NOPCHAP1: variants seen among roughly 807,000 people sequenced by gnomAD.
NOPCHAP1 encodes NOP protein chaperone 1.
Under a neutral mutation model 14.0 loss-of-function variants are expected in NOPCHAP1, and 13 were observed. The observed-to-expected ratio is 0.93, with a 90% CI of 0.60 to 1.47. The LOEUF is 1.47. Among genes scored for constraint, NOPCHAP1 ranks in the 40% most tolerant of loss-of-function variants. NOPCHAP1 has a pLI of 0.00. For missense variants in NOPCHAP1, 230 were observed against 226.9 expected (o/e 1.01, Z -0.09); for synonymous variants, 78 against 78.4 (o/e 1.00, Z 0.03).
In NOPCHAP1 at chr12:105,011,451, A is replaced by T. The variant is rs2136033727; in HGVS notation, c.*16755A>T. On this transcript the variant is annotated 3_prime_UTR_variant, in exon 4 of 4. Coordinates refer to ENST00000552951, the MANE Select transcript of NOPCHAP1 (RefSeq NM_152318.3). ...TATCCAGTTTGACTGATGGATCTTG[A>T]CTCTTTATCCTGTGTCTTTTAATTG... 1 of 151,722 alleles carries T rather than the reference A, an allele frequency of 6.6e-6. No individual in the cohort carries two copies. Among genetic ancestry groups the T allele is most frequent in the South Asian group, 2.1e-4 (1 of 4,824 alleles). The allele number at this position is 151,722 out of a possible 1,614,324, so 9.4% of individuals were successfully genotyped here. A position where few individuals can be genotyped will look rare whatever the true frequency, so the allele number is the denominator to read the frequency against.
At position 105,016,573 on chromosome 12, in the gene NOPCHAP1, A is replaced by G. The variant is rs1334761565; in HGVS notation, c.*21877A>G. ...GACCTCACAATCATGGTAGAGGGTA[A>G]AGGGGTAGAAAGTCATGTCTTACAT... On this transcript the variant is annotated 3_prime_UTR_variant, in exon 4 of 4. Transcript: ENST00000552951. 6.6e-6 allele frequency: 1 copy of G among 152,232 alleles called. No individual in the cohort carries two copies. The highest frequency in any genetic ancestry group is 1.5e-5 in the Non-Finnish European group (1 of 68,052). The allele number at this position is 152,232 out of a possible 1,614,324, so 9.4% of individuals were successfully genotyped here.
chr12:105,007,359 T>A lies in NOPCHAP1; in HGVS notation c.*12663T>A, dbSNP rs1009557944. 1 of 152,246 alleles carries A rather than the reference T, an allele frequency of 6.6e-6. No individual in the cohort carries two copies. The highest frequency in any genetic ancestry group is 2.4e-5 in the African/African-American group (1 of 41,462). The allele number at this position is 152,246 out of a possible 1,614,324, so 9.4% of individuals were successfully genotyped here. A position where few individuals can be genotyped will look rare whatever the true frequency, so the allele number is the denominator to read the frequency against. ...CATTTATCTTGAAATGGTGGGCAAC[T>A]ACAGATGCAGACCTCAGTCTATGGT... On this transcript the variant is annotated 3_prime_UTR_variant, in exon 4 of 4. Transcript: ENST00000552951.
Position 104,994,879 on chromosome 12 carries a change from T to C in NOPCHAP1, c.*183T>C. 1 of 598,818 alleles carries C rather than the reference T, an allele frequency of 1.7e-6. No individual in the cohort carries two copies. The highest frequency in any genetic ancestry group is 1.9e-5 in the African/African-American group (1 of 53,730). The allele number at this position is 598,818 out of a possible 1,614,324, so 37.1% of individuals were successfully genotyped here. On this transcript the variant is annotated 3_prime_UTR_variant, in exon 4 of 4. Coordinates refer to ENST00000552951, the MANE Select transcript of NOPCHAP1 (RefSeq NM_152318.3). The stretch of plus-strand genomic sequence containing the variant: ...AGAATGATTAATGAGTTAGGTAGCA[T>C]TGTAAACTGAAAGGGGTTCAGAGAC...
chr12:105,002,835 C>T lies in NOPCHAP1; in HGVS notation c.*8139C>T, dbSNP rs1231733818. 1 of 152,140 alleles carries T rather than the reference C, an allele frequency of 6.6e-6. No homozygotes were observed. Among genetic ancestry groups the T allele is most frequent in the Non-Finnish European group, 1.5e-5 (1 of 68,028 alleles). The allele number at this position is 152,140 out of a possible 1,614,324, so 9.4% of individuals were successfully genotyped here. On this transcript the variant is annotated 3_prime_UTR_variant, in exon 4 of 4. Transcript: ENST00000552951. ...GGAAGTCTTTTACCGTGTCTGGAAG[C>T]TTAATTTTTGACCATGGAGTAAAGG...
rs1873669574 is a variant in NOPCHAP1, at chr12:105,004,520, C to T, written c.*9824C>T. 1 of 152,092 alleles carries T rather than the reference C, an allele frequency of 6.6e-6. No individual in the cohort carries two copies. The highest frequency in any genetic ancestry group is 2.1e-4 in the South Asian group (1 of 4,826). 9.4% of individuals were successfully genotyped at this position (152,092 alleles called of 1,614,324 possible). A position where few individuals can be genotyped will look rare whatever the true frequency, so the allele number is the denominator to read the frequency against. ...GGTGGAGGTTGCAGTGAGCTGAGCT[C>T]ACTGGAGGCTGGGTGACAGAGCAAG... is the stretch of plus-strand genomic sequence containing the variant. On this transcript the variant is annotated 3_prime_UTR_variant, in exon 4 of 4. Transcript: ENST00000552951.
At chr12:104,992,728 T>C (rs1873407009) in intron 3 of NOPCHAP1, among the ~76,000 whole-genome samples, 1 of 152,146 alleles carries the variant, frequency 6.6e-6, no homozygotes. Flanking sequence ...GCAGTGGCAT[T>C]AGATTCCAAA....
Position 105,001,270 on chromosome 12 carries a change from C to T in NOPCHAP1, c.*6574C>T, listed in dbSNP as rs766547986. Reference sequence around the variant, plus strand: ...CTTCCTACATGATAAAGCTTCTATCCGTCTAGAGAACACAAAGACTTTTAT... The same window carrying T: ...CTTCCTACATGATAAAGCTTCTATCTGTCTAGAGAACACAAAGACTTTTAT... On this transcript the variant is annotated 3_prime_UTR_variant, in exon 4 of 4. Transcript: ENST00000552951. The T allele has an allele frequency of 6.6e-6, 1 of 152,056 alleles. No homozygotes were observed. The highest frequency in any genetic ancestry group is 6.5e-5 in the Admixed American group (1 of 15,270). The allele number at this position is 152,056 out of a possible 1,614,324, so 9.4% of individuals were successfully genotyped here.
intron 3 of NOPCHAP1, 37 bp downstream of exon 3, chr12:104,991,885 G>A (rs764658692): frequency 6.4e-7 from 1 of 1,567,212 alleles, no homozygotes; most frequent in East Asian, 2.3e-5. Flanking sequence ...GAAATTACTG[G>A]TCTGCCTGTC....
At chr12:104,991,203 A>G (rs1392510147) in intron 2 of NOPCHAP1, among the ~76,000 whole-genome samples, 1 of 152,194 alleles carries the variant, frequency 6.6e-6, no homozygotes, top group Non-Finnish European at 1.5e-5. Context: ...GGATGTAGGC[A>G]TGTATGGGGT....
rs1744532312 is a variant in NOPCHAP1, at chr12:105,014,222, C to T, written c.*19526C>T. 6.6e-6 allele frequency: 1 copy of T among 152,126 alleles called. No homozygotes were observed. Among genetic ancestry groups the T allele is most frequent in the Admixed American group, 6.5e-5 (1 of 15,272 alleles). 9.4% of individuals were successfully genotyped at this position (152,126 alleles called of 1,614,324 possible). ...TTTCAACTGCAAATGGTACTAGGTA[C>T]CGTCTATAAGTGTTTGTGTGGGTAA... On this transcript the variant is annotated 3_prime_UTR_variant, in exon 4 of 4. Transcript: ENST00000552951.
chr12:104,988,314 G>A, intron 2 of NOPCHAP1, 61 bp downstream of exon 2: 2 of 1,345,842 alleles, frequency 1.5e-6, no homozygotes, highest in Non-Finnish European at 2.1e-6. Context: ...ATTAAGCTGT[G>A]GGACGGTCTC....
rs988929411 is a variant in NOPCHAP1 at position 105,011,955 on chromosome 12, A to T, written c.*17259A>T. ...CTTCATTTCAACCTTGGTGAATCTG[A>T]TGATTATGTGTCTTGGGGTTGCTCT... On this transcript the variant is annotated 3_prime_UTR_variant, in exon 4 of 4. Transcript: ENST00000552951. The T allele has an allele frequency of 1.3e-5, 2 of 151,946 alleles. No individual in the cohort carries two copies. Among genetic ancestry groups the T allele is most frequent in the Non-Finnish European group, 2.9e-5 (2 of 68,002 alleles). 9.4% of individuals were successfully genotyped at this position (151,946 alleles called of 1,614,324 possible). A position where few individuals can be genotyped will look rare whatever the true frequency, so the allele number is the denominator to read the frequency against.
Position 104,999,105 on chromosome 12 carries a change from A to G in NOPCHAP1, c.*4409A>G, listed in dbSNP as rs1282405435. 6.6e-6 allele frequency: 1 copy of G among 152,482 alleles called. No individual in the cohort carries two copies. The highest frequency in any genetic ancestry group is 6.5e-5 in the Admixed American group (1 of 15,282). 9.4% of individuals were successfully genotyped at this position (152,482 alleles called of 1,614,324 possible). On this transcript the variant is annotated 3_prime_UTR_variant, in exon 4 of 4. Transcript: ENST00000552951. ...CAGATACTCCAGTGGCAGTGGCAGC[A>G]TGGTGGTCGGGTGCAGTGTGCTCAA...
At chr12:104,986,576 G>A (rs543074088) in intron 1 of NOPCHAP1, 109 bp downstream of exon 1, 21 of 921,448 alleles carry the variant, frequency 2.3e-5, no homozygotes, top group Middle Eastern at 3.5e-4. Flanking sequence ...CCGTACCCTC[G>A]AGGGGAGCCC....
intron 2 of NOPCHAP1, among the ~76,000 whole-genome samples, chr12:104,990,460 C>T (rs992271297): frequency 6.6e-6 from 1 of 152,308 alleles, no homozygotes; most frequent in Non-Finnish European, 1.5e-5. Flanking sequence ...TTCACTATTA[C>T]GTCGGGCTTT....
At position 104,989,785 on chromosome 12, in the gene NOPCHAP1, ATTGT is replaced by A. The variant is rs1474301617; in HGVS notation, c.202+1540_202+1543del. 1.2e-4 allele frequency among the ~76,000 whole-genome samples: 19 copies of A among 152,196 alleles called. No homozygotes were observed. The East Asian group carries it at 3.3e-3, about 26-fold the overall frequency. ...GTTGAGGTTGTCTCACAGCTCATTG[ATTGT>A]TTGTTTGGGTCTTATGTTTTGTGTG... On this transcript the variant is annotated intron_variant, in intron 2 of 3. Coordinates refer to ENST00000552951, the MANE Select transcript of NOPCHAP1 (RefSeq NM_152318.3).
chr12:105,016,189 G>A lies in NOPCHAP1; in HGVS notation c.*21493G>A, dbSNP rs758235032. ...CTTTTACATTTTAGAAAAAAATGAC[G>A]GATATCTCAGTAGTGAAAAGACTAT... On this transcript the variant is annotated 3_prime_UTR_variant, in exon 4 of 4. Coordinates refer to ENST00000552951, the MANE Select transcript of NOPCHAP1 (RefSeq NM_152318.3). 6.6e-5 allele frequency: 10 copies of A among 151,976 alleles called. No homozygotes were observed. The highest frequency in any genetic ancestry group is 1.9e-4 in the East Asian group (1 of 5,198). 9.4% of individuals were successfully genotyped at this position (151,976 alleles called of 1,614,324 possible). A position where few individuals can be genotyped will look rare whatever the true frequency, so the allele number is the denominator to read the frequency against.
Position 105,002,771 on chromosome 12 carries a change from A to C in NOPCHAP1, c.*8075A>C, listed in dbSNP as rs1655130132. On this transcript the variant is annotated 3_prime_UTR_variant, in exon 4 of 4. Coordinates refer to ENST00000552951, the MANE Select transcript of NOPCHAP1 (RefSeq NM_152318.3). ...CTTGTAAGCTCCTGTGCAAATTCTA[A>C]AATCTTCAGTACATTTTTGAGTGTT... is the stretch of plus-strand genomic sequence containing the variant. The C allele has an allele frequency of 1.3e-5, 2 of 152,170 alleles. No homozygotes were observed. The highest frequency in any genetic ancestry group is 4.8e-5 in the African/African-American group (2 of 41,436). 9.4% of individuals were successfully genotyped at this position (152,170 alleles called of 1,614,324 possible).
In NOPCHAP1 at chr12:105,012,987, C is replaced by T. The variant is rs797005033; in HGVS notation, c.*18291C>T. The T allele has an allele frequency of 3.9e-5, 6 of 152,212 alleles. No individual in the cohort carries two copies. Among genetic ancestry groups the T allele is most frequent in the African/African-American group, 1.4e-4 (6 of 41,396 alleles). The allele number at this position is 152,212 out of a possible 1,614,324, so 9.4% of individuals were successfully genotyped here. A position where few individuals can be genotyped will look rare whatever the true frequency, so the allele number is the denominator to read the frequency against. On this transcript the variant is annotated 3_prime_UTR_variant, in exon 4 of 4. Coordinates refer to ENST00000552951, the MANE Select transcript of NOPCHAP1 (RefSeq NM_152318.3). The stretch of plus-strand genomic sequence containing the variant: ...TCAAGGACCCACTTGAGGAGGCAGT[C>T]TGTCCCTTAGCAGAGCTTGAGCACT...
Sources: gnomAD v4.1 joint callset for allele counts (sites outside exome capture counted in the v4.1 genomes callset) on GRCh38, gnomAD v4.1.1 for gene constraint, MANE v1.5 for transcripts, NCBI Gene and HGNC (gene_info 2026-07-23, HGNC 2026-07-21) for gene names.